CORIN: variants seen among roughly 807,000 people sequenced by gnomAD.
The protein encoded by CORIN is corin, serine peptidase.
Under a neutral mutation model 125.3 loss-of-function variants are expected in CORIN, and 117 were observed. The ratio of observed to expected loss-of-function variants is 0.93; its 90% CI spans 0.80 to 1.09. CORIN has a LOEUF of 1.09. Ranked by LOEUF, CORIN falls within the 50% of genes least tolerant of loss-of-function variation. The pLI, the probability that CORIN is intolerant of heterozygous loss-of-function variation, is 0.00. For synonymous variants in CORIN, 450 were observed against 466.4 expected, an observed-to-expected ratio of 0.96 and a Z score of 0.45; for missense variants, 1,253 against 1,306.7, an observed-to-expected ratio of 0.96 and a Z score of 0.63.
At chr4:47,766,946 C>CAA (rs1045606316) in intron 3 of CORIN, among the ~76,000 whole-genome samples, 1,462 of 63,124 alleles carry the variant, frequency 0.023, 11 homozygotes, top group Non-Finnish European at 0.037. Context: ...GACTCTGTCT[C>CAA]AAAAAAAAAA....
intron 1 of CORIN, among the ~76,000 whole-genome samples, chr4:47,824,321 A>C (rs1173066532): frequency 2.6e-5 from 4 of 151,902 alleles, no homozygotes; most frequent in African/African-American, 9.7e-5. Flanking sequence ...AAAAAAAAAA[A>C]AAAAAATACA....
intron 11 of CORIN, 57 bp from the exon 12 acceptor site, chr4:47,661,913 A>G: frequency 2.7e-6 from 4 of 1,497,184 alleles, no homozygotes; most frequent in Middle Eastern, 1.8e-4. Flanking sequence ...TCTGAGACAG[A>G]TGTCATAAAT....
chr4:47,734,362 A>T (rs1174381720), intron 5 of CORIN, among the ~76,000 whole-genome samples: 2 of 152,200 alleles, frequency 1.3e-5, no homozygotes, highest in Non-Finnish European at 2.9e-5. Context: ...GCTAATTAGG[A>T]ACCTGACACC....
chr4:47,759,224 T>G (rs1729336196), intron 4 of CORIN, among the ~76,000 whole-genome samples: 1 of 152,056 alleles, frequency 6.6e-6, no homozygotes, highest in South Asian at 2.1e-4. Context: ...AAAAATGAAC[T>G]CAAAATGGGT....
intron 3 of CORIN, among the ~76,000 whole-genome samples, chr4:47,769,130 G>A (rs1347646303): frequency 6.6e-6 from 1 of 152,092 alleles, no homozygotes; most frequent in Non-Finnish European, 1.5e-5. Context: ...AGTAAAAGTA[G>A]TATGTTCAAA....
intron 4 of CORIN, among the ~76,000 whole-genome samples, chr4:47,750,480 C>T (rs1728848473): frequency 6.6e-6 from 1 of 152,110 alleles, no homozygotes; most frequent in South Asian, 2.1e-4. Context: ...TAATGAAGGG[C>T]TCTGATCACC....
At chr4:47,738,272 G>A (rs1355523320) in intron 5 of CORIN, among the ~76,000 whole-genome samples, 1 of 152,108 alleles carries the variant, frequency 6.6e-6, no homozygotes, top group Non-Finnish European at 1.5e-5. Context: ...ATAAGGCAGA[G>A]CTGTAAACTC....
At chr4:47,775,951 G>A (rs1356238163) in intron 3 of CORIN, among the ~76,000 whole-genome samples, 5 of 151,736 alleles carry the variant, frequency 3.3e-5, no homozygotes, top group Non-Finnish European at 7.4e-5. Context: ...GGAGTGCAAT[G>A]GCGAGATCTC....
At chr4:47,770,475 C>T (rs1462116661) in intron 3 of CORIN, among the ~76,000 whole-genome samples, 2 of 151,970 alleles carry the variant, frequency 1.3e-5, no homozygotes, top group Non-Finnish European at 2.9e-5. Context: ...ACATTCCTCC[C>T]AAAAATTAAA....
intron 7 of CORIN, chr4:47,681,168 G>A (rs998496064): frequency 2.6e-5 from 4 of 152,334 alleles, no homozygotes; most frequent in Middle Eastern, 3.4e-3. Flanking sequence ...AAAGTATGAT[G>A]AGTCTAGTAA....
intron 11 of CORIN, among the ~76,000 whole-genome samples, chr4:47,662,404 C>T (rs938983566): frequency 6.6e-6 from 1 of 152,066 alleles, no homozygotes; most frequent in African/African-American, 2.4e-5. Context: ...AACCCACTTA[C>T]GTTGAGCTCG....
chr4:47,766,950 A>C (rs903004395), intron 3 of CORIN, among the ~76,000 whole-genome samples: 1 of 151,356 alleles, frequency 6.6e-6, no homozygotes, highest in African/African-American at 2.4e-5. Context: ...CTGTCTCAAA[A>C]AAAAAAAAAA....
intron 5 of CORIN, among the ~76,000 whole-genome samples, chr4:47,702,582 A>G (rs1441476460): frequency 6.6e-6 from 1 of 152,192 alleles, no homozygotes; most frequent in Non-Finnish European, 1.5e-5. Context: ...CAAGTTAACA[A>G]TTTGTGGACT....
intron 16 of CORIN, among the ~76,000 whole-genome samples, chr4:47,640,249 A>G (rs1052645371): frequency 3.3e-5 from 5 of 152,200 alleles, no homozygotes; most frequent in Non-Finnish European, 7.3e-5. Flanking sequence ...GGTGGGAATA[A>G]TCCAAATGTC....
At chr4:47,713,100 A>G (rs1011172051) in intron 5 of CORIN, among the ~76,000 whole-genome samples, 2 of 152,228 alleles carry the variant, frequency 1.3e-5, no homozygotes, top group Non-Finnish European at 2.9e-5. Context: ...TAGAAAGAAA[A>G]CAATAAAACT....
chr4:47,786,969 A>C, intron 2 of CORIN, 44 bp from the exon 3 acceptor site: 1 of 1,329,006 alleles, frequency 7.5e-7, no homozygotes, highest in South Asian at 1.3e-5. Context: ...TCTTTGAAAC[A>C]TTACTAGAAG....
At chr4:47,732,919 C>T (rs1727949392) in intron 5 of CORIN, among the ~76,000 whole-genome samples, 1 of 152,108 alleles carries the variant, frequency 6.6e-6, no homozygotes, top group Non-Finnish European at 1.5e-5. Flanking sequence ...CCCCACCCCA[C>T]CACTGTCTCG....
rs751771398 is a variant in CORIN at position 47,806,898 on chromosome 4, C to T, written c.208+5G>A. The T allele has an allele frequency of 1.2e-6, 2 of 1,609,412 alleles. No individual in the cohort carries two copies. The highest frequency in any genetic ancestry group is 4.5e-5 in the East Asian group (2 of 44,798). On this transcript the variant is annotated splice_donor_5th_base_variant and intron_variant, in intron 2 of 21. Transcript: ENST00000273857. ...TCATTTTTATTTAATAATGGCCTCA[C>T]CCACCAACATAGGAAAGCAGGATCA...
chr4:47,600,245 C>T lies in CORIN; in HGVS notation c.2915G>A (p.Gly972Asp). 6.2e-7 allele frequency: 1 copy of T among 1,613,574 alleles called. No homozygotes were observed. The highest frequency in any genetic ancestry group is 8.5e-7 in the Non-Finnish European group (1 of 1,179,732). ...KTITTRMICA[G>D]YESGTVDSCM... is the part of the protein sequence containing the mutation. ...TGAATCAACTGTGCCAGACTCATAG[C>T]CAGCACATATCATCCGAGTGGTGAT... Residue 972 changes from glycine to aspartate, a missense_variant, in exon 21 of 22, where the codon GGC (glycine) becomes GAC (aspartate). By Grantham distance (94) the Gly-to-Asp change is moderately conservative (BLOSUM62 -1). Coordinates refer to ENST00000273857, the MANE Select transcript of CORIN (RefSeq NM_006587.4).
Sources: allele counts gnomAD v4.1 joint callset (sites outside exome capture counted in the v4.1 genomes callset), GRCh38; gene constraint gnomAD v4.1.1; transcripts MANE v1.5; gene names NCBI Gene and HGNC (gene_info 2026-07-23, HGNC 2026-07-21).